OGA: variants seen among roughly 807,000 people sequenced by gnomAD.
OGA encodes protein O-GlcNAcase.
In OGA, 21 loss-of-function variants were observed where a neutral mutation model predicts 102.0. The ratio of observed to expected loss-of-function variants is 0.21; its 90% CI spans 0.15 to 0.30. The LOEUF (loss-of-function observed/expected upper bound fraction) is 0.30. Ranked by LOEUF, OGA falls within the 10% of genes least tolerant of loss-of-function variation. The probability of loss-of-function intolerance (pLI) is 1.00; values close to 1 mark genes in which losing one functional copy is unlikely to be tolerated. For missense variants in OGA, 765 were observed against 1,107.8 expected (o/e 0.69, Z 4.39); for synonymous variants, 408 against 378.2 (o/e 1.08, Z -0.91).
chr10:101,805,977 C>G, intron 6 of OGA, 68 bp downstream of exon 6: 1 of 1,086,752 alleles, frequency 9.2e-7, no homozygotes, highest in South Asian at 1.3e-5. Context: ...ATTCAATTAA[C>G]AAGAACAAGC....
chr10:101,802,443 G>T (rs1208856710), intron 7 of OGA, among the ~76,000 whole-genome samples: 2 of 152,182 alleles, frequency 1.3e-5, no homozygotes, highest in African/African-American at 2.4e-5. Context: ...GGAAGCCCAG[G>T]AGGGCGGATC....
intron 14 of OGA, among the ~76,000 whole-genome samples, 166 bp downstream of exon 14, chr10:101,790,730 G>A (rs767597810): frequency 2.4e-4 from 36 of 152,182 alleles, no homozygotes; most frequent in Non-Finnish European, 3.4e-4. Flanking sequence ...GTCATGCTAA[G>A]AATAAGCCAT....
Position 101,795,966 on chromosome 10 carries a change from T to A in OGA, c.1985-1968A>T, listed in dbSNP as rs1056617209. The A allele has an allele frequency of 4.5e-6, 4 of 898,138 alleles. No homozygotes were observed. The African/African-American group carries it at 5.4e-5, about 12-fold the overall frequency. The allele number at this position is 898,138 out of a possible 1,614,324, so 55.6% of individuals were successfully genotyped here. A position where few individuals can be genotyped will look rare whatever the true frequency, so the allele number is the denominator to read the frequency against. On this transcript the variant is annotated intron_variant, in intron 10 of 15. Coordinates refer to ENST00000361464, the MANE Select transcript of OGA (RefSeq NM_012215.5). ...CCACCATAAATGCTCAGTGCAGAGA[T>A]AAACCCTGAGAAGAGAAAGAAACAA...
chr10:101,813,237 A>G (rs2065581386), intron 2 of OGA, 110 bp from the exon 3 acceptor site: 2 of 749,218 alleles, frequency 2.7e-6, no homozygotes, highest in Non-Finnish European at 4.5e-6. Context: ...CTAATATTCT[A>G]TGACAGTAGC....
intron 14 of OGA, among the ~76,000 whole-genome samples, chr10:101,788,669 A>G (rs1589822013): frequency 6.6e-6 from 1 of 151,022 alleles, no homozygotes; most frequent in Non-Finnish European, 1.5e-5. Context: ...TGGGAGGCGG[A>G]GGTTGCAGTG....
At chr10:101,806,363 C>T (rs933401492) in intron 5 of OGA, among the ~76,000 whole-genome samples, 7 of 152,164 alleles carry the variant, frequency 4.6e-5, no homozygotes, top group South Asian at 4.1e-4. Flanking sequence ...CCGCCACGCC[C>T]GGCTAATTTT....
At chr10:101,809,337 C>T (rs2065518060) in intron 4 of OGA, among the ~76,000 whole-genome samples, 2 of 152,214 alleles carry the variant, frequency 1.3e-5, no homozygotes, top group African/African-American at 4.8e-5. Flanking sequence ...TCTTTTAAGG[C>T]AGTTCTTATG....
chr10:101,790,088 A>G (rs2065239511), intron 14 of OGA, among the ~76,000 whole-genome samples: 1 of 152,150 alleles, frequency 6.6e-6, no homozygotes, highest in Admixed American at 6.6e-5. Flanking sequence ...TTGGGACAGG[A>G]CAGACTTATT....
intron 1 of OGA, among the ~76,000 whole-genome samples, chr10:101,817,549 A>G (rs534659984): frequency 6.6e-6 from 1 of 152,170 alleles, no homozygotes; most frequent in South Asian, 2.1e-4. Flanking sequence ...ACAGAACACC[A>G]GGCTCTTAAC....
At chr10:101,795,774 A>G in intron 10 of OGA, 1 of 440,402 alleles carries the variant, frequency 2.3e-6, no homozygotes, top group Non-Finnish European at 3.0e-6. Flanking sequence ...CTTGGGCCAC[A>G]CATAAAATAC....
Position 101,789,390 on chromosome 10 carries a change from C to T in OGA, c.2454+1506G>A, listed in dbSNP as rs529849945. Among the ~76,000 whole-genome samples, 7 of 152,142 alleles carry T rather than the reference C, an allele frequency of 4.6e-5. No homozygotes were observed. The East Asian group carries it at 7.7e-4, about 17-fold the overall frequency. On this transcript the variant is annotated intron_variant, in intron 14 of 15. Coordinates refer to ENST00000361464, the MANE Select transcript of OGA (RefSeq NM_012215.5). Reference sequence around the variant, plus strand: ...GCACATGCCTGTCATCTCAACTACTCGAGAGGCTGAAGCAGGAGAACTGCT... The same window carrying T: ...GCACATGCCTGTCATCTCAACTACTTGAGAGGCTGAAGCAGGAGAACTGCT...
intron 14 of OGA, among the ~76,000 whole-genome samples, chr10:101,788,176 G>A (rs1488991861): frequency 6.7e-6 from 1 of 148,482 alleles, no homozygotes; most frequent in Non-Finnish European, 1.5e-5. Context: ...AGTAGCTCAC[G>A]CCTGTAATCC....
intron 12 of OGA, 141 bp downstream of exon 12, chr10:101,792,698 A>G (rs1186810882): frequency 3.3e-6 from 2 of 608,500 alleles, no homozygotes; most frequent in Non-Finnish European, 5.8e-6. Flanking sequence ...CTCAAGATAC[A>G]CTGAATGTTT....
intron 7 of OGA, 145 bp downstream of exon 7, chr10:101,803,590 T>C: frequency 1.2e-6 from 1 of 846,680 alleles, no homozygotes; most frequent in Non-Finnish European, 1.8e-6. Flanking sequence ...TTGGTTTTGT[T>C]TCCTCCTTAG....
At chr10:101,798,490 A>C (rs2065346779) in intron 9 of OGA, among the ~76,000 whole-genome samples, 1 of 149,136 alleles carries the variant, frequency 6.7e-6, no homozygotes. Flanking sequence ...AGCTCACTGC[A>C]AACTCCGCCT....
chr10:101,800,408 A>C lies in OGA; in HGVS notation c.1037-8T>G, dbSNP rs2065373898. 1 of 1,598,246 alleles carries C rather than the reference A, an allele frequency of 6.3e-7. No individual in the cohort carries two copies. Among genetic ancestry groups the C allele is most frequent in the African/African-American group, 1.3e-5 (1 of 74,118 alleles). On this transcript the variant is annotated splice_polypyrimidine_tract_variant and splice_region_variant and intron_variant, in intron 7 of 15. Coordinates refer to ENST00000361464, the MANE Select transcript of OGA (RefSeq NM_012215.5). The stretch of plus-strand genomic sequence containing the variant: ...TACTATCTTCACTGTCAGCTGCAAA[A>C]AATAAAATAAAAAAGCACAAAAATA...
chr10:101,793,030 T>C, intron 11 of OGA, 87 bp from the exon 12 acceptor site: 3 of 1,002,312 alleles, frequency 3.0e-6, no homozygotes, highest in South Asian at 1.3e-5. Flanking sequence ...TACCAACTTA[T>C]ATTAACTGGC....
chr10:101,817,708 C>G, intron 1 of OGA, 116 bp downstream of exon 1: 1 of 1,198,936 alleles, frequency 8.3e-7, no homozygotes, highest in Non-Finnish European at 1.1e-6. Flanking sequence ...AGGAGGGCCA[C>G]ATTTCAGACC....
At chr10:101,802,184 C>T (rs933347106) in intron 7 of OGA, among the ~76,000 whole-genome samples, 2 of 152,012 alleles carry the variant, frequency 1.3e-5, no homozygotes, top group African/African-American at 4.8e-5. Context: ...TGTTTTTAAC[C>T]TCCAGCCCAC....
Sources: gnomAD v4.1 joint callset for allele counts (sites outside exome capture counted in the v4.1 genomes callset) on GRCh38, gnomAD v4.1.1 for gene constraint, MANE v1.5 for transcripts, NCBI Gene and HGNC (gene_info 2026-07-23, HGNC 2026-07-21) for gene names.